The following GLE1 variants were observed in gnomAD, a reference collection of about 807,000 sequenced individuals.
The protein encoded by GLE1 is mRNA export factor GLE1.
GLE1 carries 78 observed loss-of-function variants against 97.3 expected under a neutral mutation model. That is an observed-to-expected ratio of 0.80 (90% CI 0.67 to 0.97). GLE1 has a LOEUF of 0.97. Among genes scored for constraint, GLE1 ranks in the 50% least tolerant of loss-of-function variants. The pLI is 0.00. For synonymous variants in GLE1, 302 were observed against 313.4 expected (o/e 0.96, Z 0.39); for missense variants, 753 against 857.5 (o/e 0.88, Z 1.52).
chr9:128,507,659 G>GGGT (rs1846680059), intron 1 of GLE1, among the ~76,000 whole-genome samples: 1 of 151,836 alleles, frequency 6.6e-6, no homozygotes, highest in South Asian at 2.1e-4. Flanking sequence ...AGGCTGAGGT[G>GGGT]GGTGGATCAC....
At chr9:128,507,068 A>G (rs914581089) in intron 1 of GLE1, among the ~76,000 whole-genome samples, 2 of 152,218 alleles carry the variant, frequency 1.3e-5, no homozygotes, top group African/African-American at 4.8e-5. Flanking sequence ...CAGTTCTGGA[A>G]CTTACCTTTT....
At chr9:128,509,183 C>T in intron 2 of GLE1, 86 bp downstream of exon 2, 1 of 819,336 alleles carries the variant, frequency 1.2e-6, no homozygotes. Flanking sequence ...TGACCATACC[C>T]TAGGGGAAAT....
At chr9:128,529,976 A>G (rs193075563) in intron 9 of GLE1, among the ~76,000 whole-genome samples, 3 of 152,002 alleles carry the variant, frequency 2.0e-5, no homozygotes, top group East Asian at 1.9e-4. Context: ...CCAGGTTTCA[A>G]CGTGTTAGCC....
chr9:128,516,910 G>A (rs1847005511), intron 3 of GLE1, among the ~76,000 whole-genome samples: 1 of 152,014 alleles, frequency 6.6e-6, no homozygotes, highest in East Asian at 1.9e-4. Flanking sequence ...ACAGGCATAA[G>A]CCACTGCGCC....
At chr9:128,518,893 C>T (rs972046418) in intron 3 of GLE1, among the ~76,000 whole-genome samples, 13 of 150,392 alleles carry the variant, frequency 8.6e-5, no homozygotes, top group South Asian at 2.1e-4. Flanking sequence ...GGCACTGTTG[C>T]GGGAAGTCAG....
At chr9:128,528,032 C>T (rs532461177) in intron 9 of GLE1, among the ~76,000 whole-genome samples, 3 of 132,454 alleles carry the variant, frequency 2.3e-5, no homozygotes, top group African/African-American at 8.7e-5. Flanking sequence ...CAGAGTCTTG[C>T]TCTGTCGCCC....
intron 8 of GLE1, 60 bp downstream of exon 8, chr9:128,527,351 C>G: frequency 7.8e-7 from 1 of 1,277,418 alleles, no homozygotes; most frequent in South Asian, 1.2e-5. Context: ...AGAATGATCA[C>G]TTCGTGTCCC....
At chr9:128,509,139 C>A in intron 2 of GLE1, 42 bp downstream of exon 2, 2 of 1,175,060 alleles carry the variant, frequency 1.7e-6, no homozygotes, top group Non-Finnish European at 2.6e-6. Flanking sequence ...ATGGTGGCTG[C>A]AAAGTCAAAA....
intron 3 of GLE1, 133 bp from the exon 4 acceptor site, chr9:128,522,535 C>T: frequency 7.3e-6 from 7 of 962,998 alleles, no homozygotes; most frequent in Non-Finnish European, 9.1e-6. Context: ...CACCTGTAGT[C>T]CCAGCTACTT....
At chr9:128,524,621 G>C (rs1847250571) in intron 6 of GLE1, among the ~76,000 whole-genome samples, 1 of 139,266 alleles carries the variant, frequency 7.2e-6, no homozygotes, top group East Asian at 2.2e-4. Flanking sequence ...GTGTGATCAT[G>C]GCTCACTTCA....
At chr9:128,510,024 G>A (rs986450073) in intron 2 of GLE1, among the ~76,000 whole-genome samples, 7 of 152,090 alleles carry the variant, frequency 4.6e-5, no homozygotes, top group Non-Finnish European at 8.8e-5. Flanking sequence ...GGTAGTTTGT[G>A]TATATACAAA....
chr9:128,533,720 C>G, intron 10 of GLE1, 41 bp from the exon 11 acceptor site: 2 of 1,612,854 alleles, frequency 1.2e-6, no homozygotes, highest in Non-Finnish European at 8.5e-7. Flanking sequence ...CAGCCTTTTT[C>G]TGGTATTAAG....
At chr9:128,541,069 CTCAT>C (rs1219953203) in intron 15 of GLE1, 29 bp from the exon 16 acceptor site, 15 of 1,198,994 alleles carry the variant, frequency 1.3e-5, no homozygotes, top group Non-Finnish European at 1.7e-5. Context: ...TTATCAGAAA[CTCAT>C]TCTGTTTTCT....
intron 12 of GLE1, 126 bp from the exon 13 acceptor site, chr9:128,537,860 T>C: frequency 2.8e-6 from 2 of 709,586 alleles, no homozygotes; most frequent in Non-Finnish European, 5.2e-6. Flanking sequence ...ATTTCTGCCC[T>C]GTGGCAGGTG....
Position 128,533,881 on chromosome 9 carries a change from A to G in GLE1, c.1576A>G (p.Lys526Glu). Residue 526 changes from lysine (K) to glutamate (E), a missense_variant, in exon 11 of 16, where the codon AAG becomes GAG. Physicochemically the swap from Lys to Glu is moderately conservative, Grantham distance 56. Transcript: ENST00000309971. ...GGACCTCATTCTTGCTCATCTACAT[A>G]AGAAGTGTCCTTACTCTGTTCCTTT... Reference protein sequence around the residue: ...VGDLILAHLHKKCPYSVPFYP... With the variant: ...VGDLILAHLHEKCPYSVPFYP... 1 of 1,613,232 alleles carries G rather than the reference A, an allele frequency of 6.2e-7. No individual in the cohort carries two copies. Among genetic ancestry groups the G allele is most frequent in the Non-Finnish European group, 8.5e-7 (1 of 1,179,188 alleles).
chr9:128,538,207 G>A (rs1847780076), intron 13 of GLE1, 117 bp downstream of exon 13: 1 of 707,212 alleles, frequency 1.4e-6, no homozygotes, highest in African/African-American at 1.7e-5. Context: ...AACAGCATGA[G>A]GTTCCAGTGT....
At chr9:128,505,656 C>G (rs1846620092) in intron 1 of GLE1, among the ~76,000 whole-genome samples, 1 of 152,184 alleles carries the variant, frequency 6.6e-6, no homozygotes, top group Non-Finnish European at 1.5e-5. Flanking sequence ...CTCAGTAAGT[C>G]ACATGAGGAG....
At chr9:128,525,574 T>G in intron 7 of GLE1, 151 bp downstream of exon 7, 1 of 675,282 alleles carries the variant, frequency 1.5e-6, no homozygotes, top group South Asian at 1.7e-5. Context: ...ATGTAGAGTC[T>G]GATTTACGAT....
chr9:128,525,542 G>A, intron 7 of GLE1, 119 bp downstream of exon 7: 1 of 747,870 alleles, frequency 1.3e-6, no homozygotes, highest in Non-Finnish European at 2.3e-6. Flanking sequence ...TTTATGTAAT[G>A]TATTTCATTC....
Sources: gnomAD v4.1 joint callset for allele counts (sites outside exome capture counted in the v4.1 genomes callset) on GRCh38, gnomAD v4.1.1 for gene constraint, MANE v1.5 for transcripts, NCBI Gene and HGNC (gene_info 2026-07-23, HGNC 2026-07-21) for gene names.